SSH2: variants seen among roughly 807,000 people sequenced by gnomAD.
SSH2 encodes the protein slingshot protein phosphatase 2, also known as protein phosphatase Slingshot homolog 2.
SSH2 carries 37 observed loss-of-function variants against 135.2 expected under a neutral mutation model. The observed-to-expected ratio is 0.27, with a 90% CI of 0.21 to 0.36. The LOEUF (loss-of-function observed/expected upper bound fraction) is 0.36. SSH2 is among the 10% of genes least tolerant of loss of function. The pLI, the probability that SSH2 is intolerant of heterozygous loss-of-function variation, is 1.00. For synonymous variants in SSH2, 628 were observed against 646.2 expected, an observed-to-expected ratio of 0.97 and a Z score of 0.43; for missense variants, 1,408 against 1,765.3, an observed-to-expected ratio of 0.80 and a Z score of 3.63.
chr17:29,890,434 TA>T (rs1454756842), intron 1 of SSH2, among the ~76,000 whole-genome samples: 1 of 152,158 alleles, frequency 6.6e-6, no homozygotes, highest in Non-Finnish European at 1.5e-5. Context: ...GATGAAAGGA[TA>T]AAACACTATT....
At chr17:29,877,467 C>G (rs1307546780) in intron 1 of SSH2, among the ~76,000 whole-genome samples, 1 of 152,174 alleles carries the variant, frequency 6.6e-6, no homozygotes, top group East Asian at 1.9e-4. Flanking sequence ...GATCTGGAAG[C>G]AACCTAAGTG....
chr17:29,682,280 G>C (rs1000336395), intron 6 of SSH2, among the ~76,000 whole-genome samples: 3 of 152,156 alleles, frequency 2.0e-5, no homozygotes, highest in African/African-American at 7.2e-5. Flanking sequence ...CTGTTTTATA[G>C]GGTTTTCAAG....
chr17:29,699,618 A>C (rs1323133257), intron 4 of SSH2, among the ~76,000 whole-genome samples: 1 of 152,184 alleles, frequency 6.6e-6, no homozygotes, highest in Non-Finnish European at 1.5e-5. Flanking sequence ...AGTTTGACCA[A>C]AGAAAAATGC....
intron 2 of SSH2, among the ~76,000 whole-genome samples, chr17:29,845,616 T>C (rs774095873): frequency 2.6e-5 from 4 of 152,240 alleles, no homozygotes; most frequent in Non-Finnish European, 5.9e-5. Context: ...TTTATTTTTT[T>C]TGGAGACAGA....
intron 3 of SSH2, among the ~76,000 whole-genome samples, chr17:29,705,952 T>C (rs2039183801): frequency 6.6e-6 from 1 of 152,192 alleles, no homozygotes; most frequent in South Asian, 2.1e-4. Context: ...TACCTTCCTA[T>C]AGTAGAATAT....
intron 3 of SSH2, among the ~76,000 whole-genome samples, chr17:29,748,556 C>G (rs2040832527): frequency 6.6e-6 from 1 of 151,914 alleles, no homozygotes; most frequent in African/African-American, 2.4e-5. Context: ...TAAATGAATG[C>G]CTGGTTTCAA....
intron 3 of SSH2, among the ~76,000 whole-genome samples, chr17:29,721,528 T>G (rs1490356778): frequency 6.6e-6 from 1 of 152,214 alleles, no homozygotes; most frequent in Non-Finnish European, 1.5e-5. Flanking sequence ...TTTTGTTTTC[T>G]CACACAGTAA....
At chr17:29,713,372 G>A (rs906110057) in intron 3 of SSH2, among the ~76,000 whole-genome samples, 2 of 152,024 alleles carry the variant, frequency 1.3e-5, no homozygotes, top group Admixed American at 6.6e-5. Context: ...CAAAGAAAAC[G>A]CCACTGGTCA....
In SSH2 at chr17:29,724,714, C is replaced by T. The variant is rs186958890; in HGVS notation, c.189-21652G>A. 6.5e-3 allele frequency among the ~76,000 whole-genome samples: 979 copies of T among 150,120 alleles called. 6 individuals are homozygous for T. The highest frequency in any genetic ancestry group is 0.023 in the African/African-American group (933 of 40,934). On this transcript the variant is annotated intron_variant, in intron 3 of 15. Coordinates refer to ENST00000540801, the MANE Select transcript of SSH2 (RefSeq NM_001282129.2). ...TAGCAATTCTCCTGCCTCTGCCTCC[C>T]GAGTAGCTGGGATTACAGGCGCATG... is the stretch of plus-strand genomic sequence containing the variant.
intron 1 of SSH2, among the ~76,000 whole-genome samples, chr17:29,893,508 C>T (rs2066388682): frequency 6.6e-6 from 1 of 152,140 alleles, no homozygotes; most frequent in East Asian, 1.9e-4. Flanking sequence ...GAGGACACCA[C>T]ATTTGTTCCT....
chr17:29,849,961 C>T (rs2065523844), intron 1 of SSH2, among the ~76,000 whole-genome samples: 1 of 131,286 alleles, frequency 7.6e-6, no homozygotes, highest in Non-Finnish European at 1.6e-5. Context: ...ACCCAGGGGG[C>T]GGAGGTTTCA....
intron 9 of SSH2, among the ~76,000 whole-genome samples, chr17:29,671,464 AGAGT>A (rs1452289709): frequency 1.4e-4 from 21 of 152,320 alleles, no homozygotes; most frequent in Non-Finnish European, 2.6e-4. Context: ...CCTGGGTGAC[AGAGT>A]GAGATCCTGT....
chr17:29,668,089 C>T (rs767810683), intron 9 of SSH2, among the ~76,000 whole-genome samples: 6 of 152,216 alleles, frequency 3.9e-5, no homozygotes, highest in Non-Finnish European at 8.8e-5. Flanking sequence ...CCACCACCTA[C>T]TCAAGAAAGG....
At chr17:29,864,516 T>C (rs2065820560) in intron 1 of SSH2, among the ~76,000 whole-genome samples, 1 of 151,744 alleles carries the variant, frequency 6.6e-6, no homozygotes, top group African/African-American at 2.4e-5. Flanking sequence ...CTAACGGTGA[T>C]AAGATTTAAA....
At chr17:29,818,192 T>A (rs1054466554) in intron 2 of SSH2, among the ~76,000 whole-genome samples, 1 of 152,210 alleles carries the variant, frequency 6.6e-6, no homozygotes, top group African/African-American at 2.4e-5. Context: ...TGCTATTTTT[T>A]AAATTTTCTG....
At chr17:29,739,995 A>G (rs1392052057) in intron 3 of SSH2, among the ~76,000 whole-genome samples, 1 of 152,220 alleles carries the variant, frequency 6.6e-6, no homozygotes, top group East Asian at 1.9e-4. Context: ...TGAACTGAAC[A>G]TCTCTCTGGC....
chr17:29,801,328 C>T (rs984791796), intron 2 of SSH2, among the ~76,000 whole-genome samples: 1 of 152,150 alleles, frequency 6.6e-6, no homozygotes, highest in African/African-American at 2.4e-5. Context: ...CAGCCTTGAA[C>T]ACTGGGCTAG....
At chr17:29,728,426 T>C (rs948676595) in intron 3 of SSH2, among the ~76,000 whole-genome samples, 14 of 152,150 alleles carry the variant, frequency 9.2e-5, no homozygotes, top group Admixed American at 1.3e-4. Flanking sequence ...GGAAAACATA[T>C]TCCATGTTCA....
chr17:29,694,682 T>C (rs999909259), intron 5 of SSH2, among the ~76,000 whole-genome samples: 2 of 152,070 alleles, frequency 1.3e-5, no homozygotes, highest in East Asian at 1.9e-4. Flanking sequence ...AAGAGGATTA[T>C]GGTAAATTAA....
Sources: gnomAD v4.1 joint callset for allele counts (sites outside exome capture counted in the v4.1 genomes callset) on GRCh38, gnomAD v4.1.1 for gene constraint, MANE v1.5 for transcripts, NCBI Gene and HGNC (gene_info 2026-07-23, HGNC 2026-07-21) for gene names.